The following SLC1A2 variants were observed in gnomAD, a reference collection of about 807,000 sequenced individuals.
SLC1A2 encodes the protein excitatory amino acid transporter 2.
SLC1A2 carries 15 observed loss-of-function variants against 48.8 expected under a neutral mutation model. The ratio of observed to expected loss-of-function variants is 0.31; its 90% CI spans 0.21 to 0.47. SLC1A2 has a LOEUF of 0.47. SLC1A2 is among the 20% of genes least tolerant of loss of function. SLC1A2 has a pLI of 0.99. For missense variants in SLC1A2, 502 were observed against 730.5 expected (o/e 0.69, Z 3.61); for synonymous variants, 279 against 272.6 (o/e 1.02, Z -0.23).
chr11:35,283,570 A>G (rs1009546092), intron 8 of SLC1A2, among the ~76,000 whole-genome samples: 5 of 151,320 alleles, frequency 3.3e-5, no homozygotes, highest in Admixed American at 6.6e-5. Context: ...GAATTTAAGC[A>G]CAAATTCAAT....
intron 1 of SLC1A2, chr11:35,391,075 G>A (rs1318019939): frequency 6.6e-6 from 1 of 152,184 alleles, no homozygotes; most frequent in East Asian, 1.9e-4. Context: ...TCTGTTGGAT[G>A]GGGATGATCA....
intron 1 of SLC1A2, among the ~76,000 whole-genome samples, chr11:35,320,336 C>A (rs1852015644): frequency 6.6e-6 from 1 of 152,130 alleles, no homozygotes; most frequent in African/African-American, 2.4e-5. Context: ...CTTAAAGAGC[C>A]TTTACTCAGA....
intron 1 of SLC1A2, among the ~76,000 whole-genome samples, chr11:35,328,884 C>T (rs1319331259): frequency 6.6e-6 from 1 of 152,206 alleles, no homozygotes; most frequent in Non-Finnish European, 1.5e-5. Context: ...GGCCCCAACT[C>T]TGTCTCTGGA....
intron 1 of SLC1A2, among the ~76,000 whole-genome samples, chr11:35,398,869 G>A (rs772492512): frequency 5.9e-5 from 9 of 152,304 alleles, no homozygotes; most frequent in South Asian, 2.1e-4. Flanking sequence ...GCCCAACTGC[G>A]TCAGAGGGGC....
In SLC1A2 at chr11:35,342,149, T is replaced by C. The variant is rs553092037; in HGVS notation, c.18-24633A>G. On this transcript the variant is annotated intron_variant, in intron 1 of 10. Coordinates refer to ENST00000278379, the MANE Select transcript of SLC1A2 (RefSeq NM_004171.4). Reference sequence around the variant, plus strand: ...GAGATTCTTATATATTTTTGTAGGGTTTTTGCTAGGCTTTTACGTTTAAAA... The same window carrying C: ...GAGATTCTTATATATTTTTGTAGGGCTTTTGCTAGGCTTTTACGTTTAAAA... Among the ~76,000 whole-genome samples the C allele has an allele frequency of 1.8e-4, 28 of 152,260 alleles. 1 individual carries two copies. In the South Asian group the frequency reaches 5.8e-3, roughly 32 times the overall value.
intron 1 of SLC1A2, among the ~76,000 whole-genome samples, chr11:35,403,117 C>T (rs1007504908): frequency 6.6e-6 from 1 of 152,232 alleles, no homozygotes; most frequent in Non-Finnish European, 1.5e-5. Flanking sequence ...TTATAGGTAT[C>T]TTCCAGGTCC....
intron 6 of SLC1A2, among the ~76,000 whole-genome samples, chr11:35,295,242 G>A (rs114432057): frequency 0.011 from 1,707 of 151,848 alleles, 35 homozygotes; most frequent in African/African-American, 0.039. Flanking sequence ...TTTTGTAGGA[G>A]GTCTCACTAT....
Position 35,279,199 on chromosome 11 carries a change from A to G in SLC1A2, c.1421+1668T>C, listed in dbSNP as rs546514496. 9.2e-5 allele frequency among the ~76,000 whole-genome samples: 14 copies of G among 152,324 alleles called. No homozygotes were observed. In the East Asian group the frequency reaches 2.1e-3, roughly 23 times the overall value. On this transcript the variant is annotated intron_variant, in intron 9 of 10. Transcript: ENST00000278379. ...GAAGACTGGCATTGCCGGAGGCCCT[A>G]TCATTTAACTCCAGTGCTGGACAGG... is the stretch of plus-strand genomic sequence containing the variant.
chr11:35,374,034 T>A (rs1326782038), intron 1 of SLC1A2, among the ~76,000 whole-genome samples: 6 of 152,232 alleles, frequency 3.9e-5, no homozygotes, highest in Admixed American at 3.9e-4. Context: ...CTCAGCTTCC[T>A]CATCTGTGAA....
At chr11:35,377,478 G>T (rs989806300) in intron 1 of SLC1A2, among the ~76,000 whole-genome samples, 1 of 152,172 alleles carries the variant, frequency 6.6e-6, no homozygotes, top group Non-Finnish European at 1.5e-5. Flanking sequence ...TACCAAAGGG[G>T]GATGATGATC....
chr11:35,410,383 C>T (rs1459908356), intron 1 of SLC1A2, among the ~76,000 whole-genome samples: 2 of 152,126 alleles, frequency 1.3e-5, no homozygotes, highest in Non-Finnish European at 2.9e-5. Context: ...AATGTTATTC[C>T]TCCTGACTAC....
At chr11:35,381,168 T>C (rs975951867) in intron 1 of SLC1A2, among the ~76,000 whole-genome samples, 1 of 152,146 alleles carries the variant, frequency 6.6e-6, no homozygotes, top group Non-Finnish European at 1.5e-5. Context: ...ACCTTTTCCA[T>C]GTCATCCCAT....
chr11:35,283,754 T>C (rs980355436), intron 8 of SLC1A2, among the ~76,000 whole-genome samples: 1 of 152,128 alleles, frequency 6.6e-6, no homozygotes, highest in Non-Finnish European at 1.5e-5. Context: ...GGGAGGTTAG[T>C]AGTCTCGTGA....
intron 5 of SLC1A2, 99 bp from the exon 6 acceptor site, chr11:35,301,744 A>C (rs1851364153): frequency 9.4e-7 from 1 of 1,063,764 alleles, no homozygotes; most frequent in Admixed American, 2.0e-5. Flanking sequence ...CCATGTTCTC[A>C]CTGCTGGTTA....
Position 35,322,847 on chromosome 11 carries a change from C to A in SLC1A2, c.18-5331G>T. The A allele has an allele frequency of 6.0e-6, 4 of 668,282 alleles. No homozygotes were observed. The South Asian group carries it at 6.7e-5, about 11-fold the overall frequency. 41.4% of individuals were successfully genotyped at this position (668,282 alleles called of 1,614,324 possible). A position where few individuals can be genotyped will look rare whatever the true frequency, so the allele number is the denominator to read the frequency against. Reference sequence around the variant, plus strand: ...CCCACATCCAGGGTTTCCCCCAGCTCCTTGAAGAATGCCACCCCTGCTTTA... The same window carrying A: ...CCCACATCCAGGGTTTCCCCCAGCTACTTGAAGAATGCCACCCCTGCTTTA... On this transcript the variant is annotated intron_variant, in intron 1 of 10. Coordinates refer to ENST00000278379, the MANE Select transcript of SLC1A2 (RefSeq NM_004171.4).
chr11:35,378,577 A>G (rs1170757789), intron 1 of SLC1A2, among the ~76,000 whole-genome samples: 1 of 152,236 alleles, frequency 6.6e-6, no homozygotes, highest in Non-Finnish European at 1.5e-5. Flanking sequence ...ACCACCTAGT[A>G]TAAGATTAAG....
intron 6 of SLC1A2, among the ~76,000 whole-genome samples, chr11:35,292,832 C>A (rs1851054530): frequency 1.3e-5 from 2 of 152,010 alleles, no homozygotes; most frequent in African/African-American, 4.8e-5. Context: ...GTTGAGAGAC[C>A]CAGGTGTGTC....
At chr11:35,357,427 C>A (rs969952617) in intron 1 of SLC1A2, among the ~76,000 whole-genome samples, 1 of 152,154 alleles carries the variant, frequency 6.6e-6, no homozygotes, top group Non-Finnish European at 1.5e-5. Context: ...CAGGCTTAAT[C>A]TTTCTCAAAA....
intron 9 of SLC1A2, among the ~76,000 whole-genome samples, chr11:35,267,829 C>T (rs1407044858): frequency 6.6e-6 from 1 of 151,898 alleles, no homozygotes; most frequent in Non-Finnish European, 1.5e-5. Context: ...TCCTTCTGTT[C>T]CTAAGCAGAT....
Sources: gnomAD v4.1 joint callset for allele counts (sites outside exome capture counted in the v4.1 genomes callset) on GRCh38, gnomAD v4.1.1 for gene constraint, MANE v1.5 for transcripts, NCBI Gene and HGNC (gene_info 2026-07-23, HGNC 2026-07-21) for gene names.